Variants in MTRR observed in about 807,000 individuals in gnomAD.
MTRR encodes the protein methionine synthase reductase.
In MTRR, 63 loss-of-function variants were observed where a neutral mutation model predicts 79.2. That is an observed-to-expected ratio of 0.80 (90% confidence interval 0.65 to 0.98). The LOEUF (loss-of-function observed/expected upper bound fraction) is 0.98. MTRR is among the 50% of genes least tolerant of loss of function. The probability of loss-of-function intolerance (pLI) is 0.00; values close to 1 mark genes in which losing one functional copy is unlikely to be tolerated. For synonymous variants in MTRR, 355 were observed against 313.3 expected, an observed-to-expected ratio of 1.13 and a Z score of -1.41; for missense variants, 895 against 839.6, an observed-to-expected ratio of 1.07 and a Z score of -0.82.
chr5:7,873,747 T>G (rs1314619850), intron 3 of MTRR, among the ~76,000 whole-genome samples: 1 of 152,176 alleles, frequency 6.6e-6, no homozygotes, highest in African/African-American at 2.4e-5. Context: ...TGAGTAGCAT[T>G]TTAATTAAGG....
At chr5:7,859,996 G>T (rs964956998) in intron 1 of MTRR, among the ~76,000 whole-genome samples, 1 of 152,138 alleles carries the variant, frequency 6.6e-6, no homozygotes, top group African/African-American at 2.4e-5. Context: ...GAGGGAGAGA[G>T]CAGGAGGCGC....
upstream of MTRR, chr5:7,866,684 G>C: frequency 1.3e-6 from 2 of 1,597,256 alleles, no homozygotes; most frequent in Non-Finnish European, 1.7e-6. Flanking sequence ...GAATATTTTT[G>C]CCAGAAAGTT....
chr5:7,880,428 T>C (rs986544089), intron 5 of MTRR, among the ~76,000 whole-genome samples: 16 of 152,250 alleles, frequency 1.1e-4, no homozygotes, highest in Non-Finnish European at 2.4e-4. Context: ...CATGCTAGTC[T>C]ACTTTGTTAA....
At chr5:7,880,456 G>A (rs1012127324) in intron 5 of MTRR, among the ~76,000 whole-genome samples, 6 of 152,180 alleles carry the variant, frequency 3.9e-5, no homozygotes, top group African/African-American at 9.7e-5. Flanking sequence ...CAGCTTGCAC[G>A]GAGGTTACAG....
chr5:7,885,954 C>A, intron 7 of MTRR, 100 bp downstream of exon 7: 3 of 1,486,848 alleles, frequency 2.0e-6, no homozygotes, highest in Non-Finnish European at 2.8e-6. Context: ...GTGTGTTGGC[C>A]GCACAGATGC....
intron 3 of MTRR, among the ~76,000 whole-genome samples, chr5:7,874,006 C>T (rs1247613616): frequency 1.3e-5 from 2 of 152,190 alleles, no homozygotes; most frequent in African/African-American, 4.8e-5. Flanking sequence ...AATTATATGA[C>T]TTAGGCCCAC....
chr5:7,885,733 C>T lies in MTRR; in HGVS notation c.936C>T (p.Ala312=), dbSNP rs777075473. 4 of 1,613,602 alleles carry T rather than the reference C, an allele frequency of 2.5e-6. No homozygotes were observed. The highest frequency in any genetic ancestry group is 1.1e-5 in the South Asian group (1 of 91,068). The change falls in exon 7 of 15, where the codon GCC becomes GCT. Residue 312 remains alanine, a synonymous_variant. Transcript: ENST00000440940. ...NTDFSYQPGD[A]FSVICPNSDS... Reference sequence around the variant, plus strand: ...ACTTTTCCTATCAGCCTGGAGATGCCTTCAGCGTGATCTGCCCTAACAGTG... The same window carrying T: ...ACTTTTCCTATCAGCCTGGAGATGCTTTCAGCGTGATCTGCCCTAACAGTG...
At chr5:7,891,041 C>G (rs903083705) in intron 9 of MTRR, among the ~76,000 whole-genome samples, 1 of 151,932 alleles carries the variant, frequency 6.6e-6, no homozygotes, top group Non-Finnish European at 1.5e-5. Flanking sequence ...GCACATATAC[C>G]TAGTAAGGGT....
At chr5:7,856,893 G>A (rs192440854) in intron 1 of MTRR, 3 of 151,934 alleles carry the variant, frequency 2.0e-5, no homozygotes, top group Admixed American at 6.6e-5. Context: ...GCAAGGAAAG[G>A]TAAAGAAGAC....
At chr5:7,867,338 T>C, upstream of MTRR, 1 of 1,614,102 alleles carries the variant, frequency 6.2e-7, no homozygotes, top group Non-Finnish European at 8.5e-7. Flanking sequence ...GGTAAATGTT[T>C]CCAATTTTTC....
rs1738686818 is a variant in MTRR, at chr5:7,897,220, A to G, written c.1925A>G (p.Gln642Arg). The change falls in exon 14 of 15, where the codon CAG becomes CGG. Residue 642 changes from glutamine (Q) to arginine (R), a missense_variant. Transcript: ENST00000440940. ...CAGCAGGTGGCGAGAATCCTCCTCC[A>G]GGAGAACGGCCATATTTATGTGTGT... Reference protein sequence around the residue: ...HGQQVARILLQENGHIYVCGD... With the variant: ...HGQQVARILLRENGHIYVCGD... 2 of 1,613,868 alleles carry G rather than the reference A, an allele frequency of 1.2e-6. No individual in the cohort carries two copies. The highest frequency in any genetic ancestry group is 1.7e-5 in the Admixed American group (1 of 59,998).
chr5:7,873,429 C>A lies in MTRR; in HGVS notation c.186C>A (p.Thr62=), dbSNP rs940332374. 4 of 1,614,124 alleles carry A rather than the reference C, an allele frequency of 2.5e-6. No homozygotes were observed. The South Asian group carries it at 3.3e-5, about 13-fold the overall frequency. The change falls in exon 3 of 15, where the codon ACC becomes ACA. Residue 62 remains threonine (T), a synonymous_variant. Transcript: ENST00000440940. ...TTGTTGTGGTTTCTACCACGGGCAC[C>A]GGAGACCCACCCGACACAGCCCGCA... The part of the protein sequence containing the change: ...PLVVVVSTTG[T]GDPPDTARKF...
At chr5:7,889,936 ACCTCAGCATTGT>A (rs1265935686) in intron 9 of MTRR, among the ~76,000 whole-genome samples, 9 of 152,080 alleles carry the variant, frequency 5.9e-5, no homozygotes, top group African/African-American at 2.2e-4. Context: ...AACAGAAGAG[ACCTCAGCATTGT>A]CCCTGAGCAG....
intron 8 of MTRR, among the ~76,000 whole-genome samples, chr5:7,887,798 AT>A (rs1736828268): frequency 4.3e-4 from 11 of 25,862 alleles, no homozygotes; most frequent in Admixed American, 1.8e-3. Context: ...GTGTGCATAT[AT>A]ATATATATAT....
In MTRR at chr5:7,882,252, T is replaced by G. The variant is rs569606183; in HGVS notation, c.781-903T>G. 7.3e-4 allele frequency among the ~76,000 whole-genome samples: 111 copies of G among 152,306 alleles called. 1 individual carries two copies. Among genetic ancestry groups the G allele is most frequent in the African/African-American group, 2.5e-3 (103 of 41,574 alleles). On this transcript the variant is annotated intron_variant, in intron 5 of 14. Transcript: ENST00000440940. ...TGAGTTGGAACGAAGAGGCTGGACC[T>G]TTGTAGTCTTTGATGAGACATTGGA...
chr5:7,896,671 C>G (rs188012795), intron 12 of MTRR, 193 bp from the exon 13 acceptor site: 94 of 623,326 alleles, frequency 1.5e-4, no homozygotes, highest in Non-Finnish European at 2.6e-4. Context: ...CACACACTTG[C>G]CTAGTGTGGC....
chr5:7,892,586 A>G, intron 10 of MTRR, 141 bp from the exon 11 acceptor site: 1 of 909,624 alleles, frequency 1.1e-6, no homozygotes, highest in South Asian at 1.4e-5. Context: ...ATTACGTAAT[A>G]ATGGCTTTCC....
chr5:7,866,001 C>A, upstream of MTRR: 1 of 1,597,978 alleles, frequency 6.3e-7, no homozygotes, highest in Non-Finnish European at 8.6e-7. Flanking sequence ...AGAAAGCATC[C>A]CAGTCATAGT....
Position 7,892,745 on chromosome 5 carries a change from A to AG in MTRR, c.1391dup (p.Leu466AlafsTer45). The AG allele has an allele frequency of 6.2e-7, 1 of 1,614,230 alleles. No homozygotes were observed. The highest frequency in any genetic ancestry group is 8.5e-7 in the Non-Finnish European group (1 of 1,180,038). On this transcript the variant is annotated frameshift_variant, in exon 11 of 15. Coordinates refer to ENST00000440940, the MANE Select transcript of MTRR (RefSeq NM_002454.3). LOFTEE classifies it high-confidence loss of function. ...TTTGCAGCTCAAGTTTATTTCACCC[A>AG]GGAAAGCTCCATTTTGTCTTCAACA... is the stretch of plus-strand genomic sequence containing the variant.
Sources: gnomAD v4.1 joint callset for allele counts (sites outside exome capture counted in the v4.1 genomes callset) on GRCh38, gnomAD v4.1.1 for gene constraint, MANE v1.5 for transcripts, NCBI Gene and HGNC (gene_info 2026-07-23, HGNC 2026-07-21) for gene names.